The following RBFOX1 variants were observed in gnomAD, a reference collection of about 807,000 sequenced individuals.
RBFOX1 encodes the protein RNA binding fox-1 homolog 1.
Under a neutral mutation model 57.7 loss-of-function variants are expected in RBFOX1, and 8 were observed. That is an observed-to-expected ratio of 0.14 (90% CI 0.08 to 0.25). The LOEUF is 0.25. Among genes scored for constraint, RBFOX1 ranks in the 10% least tolerant of loss-of-function variants. RBFOX1 has a pLI of 1.00. For missense variants in RBFOX1, 611 were observed against 548.5 expected (o/e 1.11, Z -1.14); for synonymous variants, 326 against 222.4 (o/e 1.47, Z -4.15).
At chr16:5,522,350 A>G (rs931532291) in intron 2 of RBFOX1, among the ~76,000 whole-genome samples, 2 of 152,248 alleles carry the variant, frequency 1.3e-5, no homozygotes, top group African/African-American at 4.8e-5. Context: ...GCATACATAC[A>G]TAGGTCCTGG....
At chr16:5,429,331 C>T (rs554787078) in intron 1 of RBFOX1, among the ~76,000 whole-genome samples, 61 of 152,292 alleles carry the variant, frequency 4.0e-4, no homozygotes, top group African/African-American at 1.3e-3. Context: ...AGGATTTCTC[C>T]GCACTGGGTT....
intron 3 of RBFOX1, among the ~76,000 whole-genome samples, chr16:6,929,231 C>T (rs144482211): frequency 1.0e-3 from 155 of 152,226 alleles, no homozygotes; most frequent in African/African-American, 3.6e-3. Flanking sequence ...GGATCCTACC[C>T]TTTATGACAG....
intron 1 of RBFOX1, among the ~76,000 whole-genome samples, chr16:5,240,995 T>C (rs1220014762): frequency 6.6e-6 from 1 of 152,204 alleles, no homozygotes; most frequent in Non-Finnish European, 1.5e-5. Flanking sequence ...GTTGACCTCT[T>C]TGTTCCTTCC....
intron 1 of RBFOX1, among the ~76,000 whole-genome samples, chr16:5,324,260 C>T (rs1304772403): frequency 6.6e-6 from 1 of 152,124 alleles, no homozygotes; most frequent in Non-Finnish European, 1.5e-5. Context: ...GTCAGGAGTT[C>T]GAAACCAGCC....
chr16:5,451,801 C>G (rs907196229), intron 1 of RBFOX1, among the ~76,000 whole-genome samples: 3 of 152,146 alleles, frequency 2.0e-5, no homozygotes, highest in Non-Finnish European at 4.4e-5. Context: ...CCTGAGCTTT[C>G]TCTCCAGCCC....
intron 2 of RBFOX1, among the ~76,000 whole-genome samples, chr16:6,373,335 A>C (rs1024351002): frequency 6.6e-6 from 1 of 150,934 alleles, no homozygotes; most frequent in African/African-American, 2.4e-5. Context: ...GGTTGGGTGG[A>C]ATGGAGATTC....
chr16:5,726,029 C>T (rs2052139234), intron 3 of RBFOX1, among the ~76,000 whole-genome samples: 1 of 152,054 alleles, frequency 6.6e-6, no homozygotes, highest in Non-Finnish European at 1.5e-5. Context: ...GTCTTCCAAC[C>T]CAAAGAATCC....
At chr16:7,063,309 G>A (rs1043652658) in intron 4 of RBFOX1, among the ~76,000 whole-genome samples, 3 of 151,834 alleles carry the variant, frequency 2.0e-5, no homozygotes, top group Admixed American at 6.6e-5. Context: ...CCAACCCCAG[G>A]GGACCACCCC....
intron 2 of RBFOX1, among the ~76,000 whole-genome samples, chr16:6,488,922 T>A (rs1420081): frequency 6.6e-6 from 1 of 151,928 alleles, no homozygotes; most frequent in Non-Finnish European, 1.5e-5. Flanking sequence ...CAAGAGAGGG[T>A]AGAAGGTATG....
chr16:5,723,876 C>T lies in RBFOX1; in HGVS notation c.318+124915C>T, dbSNP rs12324936. 6.1e-3 allele frequency among the ~76,000 whole-genome samples: 931 copies of T among 152,342 alleles called. 10 individuals are homozygous for T. Among genetic ancestry groups the T allele is most frequent in the African/African-American group, 0.022 (898 of 41,578 alleles). ...ACCATTGTTTTCCTTACAGCAAAGT[C>T]GCTTCTACATGGGCATCTCTTTAAA... On this transcript the variant is annotated intron_variant, in intron 3 of 19. Coordinates refer to the RBFOX1 transcript ENST00000641259.
At chr16:7,645,155 G>C (rs1321670954) in intron 11 of RBFOX1, among the ~76,000 whole-genome samples, 3 of 151,814 alleles carry the variant, frequency 2.0e-5, no homozygotes, top group Non-Finnish European at 4.4e-5. Context: ...CAATTCCTTC[G>C]ATGCATCCCA....
chr16:5,636,155 C>A (rs1205266023), intron 3 of RBFOX1, among the ~76,000 whole-genome samples: 1 of 152,152 alleles, frequency 6.6e-6, no homozygotes, highest in Non-Finnish European at 1.5e-5. Flanking sequence ...CGAGACCAGC[C>A]TGACCAACAT....
At chr16:5,925,898 T>C (rs2058930757) in intron 4 of RBFOX1, among the ~76,000 whole-genome samples, 1 of 152,122 alleles carries the variant, frequency 6.6e-6, no homozygotes, top group African/African-American at 2.4e-5. Context: ...CAAATCGAAC[T>C]TCTAAACCTG....
intron 2 of RBFOX1, among the ~76,000 whole-genome samples, chr16:6,564,841 T>A (rs545510081): frequency 6.6e-6 from 1 of 152,264 alleles, no homozygotes; most frequent in South Asian, 2.1e-4. Flanking sequence ...AAAAATTTTT[T>A]AAAATTAAAG....
intron 4 of RBFOX1, among the ~76,000 whole-genome samples, chr16:7,097,210 A>C (rs2061851800): frequency 6.6e-6 from 1 of 152,154 alleles, no homozygotes; most frequent in Non-Finnish European, 1.5e-5. Context: ...GAGAGTTAGG[A>C]AACTGCTATG....
At chr16:6,628,067 G>A (rs2098333779) in intron 2 of RBFOX1, among the ~76,000 whole-genome samples, 1 of 152,162 alleles carries the variant, frequency 6.6e-6, no homozygotes, top group African/African-American at 2.4e-5. Context: ...ATGTCCATGA[G>A]CCCAGCCAGG....
At chr16:5,347,570 A>G (rs1018180799) in intron 1 of RBFOX1, among the ~76,000 whole-genome samples, 6 of 151,724 alleles carry the variant, frequency 4.0e-5, no homozygotes, top group African/African-American at 1.5e-4. Flanking sequence ...TCATCCTTCC[A>G]CTCGTCTGTC....
rs1049475166 is a variant in RBFOX1 at position 6,407,481 on chromosome 16, CAT to C, written c.-64+90432_-64+90433del. Among the ~76,000 whole-genome samples, 48 of 151,046 alleles carry C rather than the reference CAT, an allele frequency of 3.2e-4. 1 individual carries two copies. Among genetic ancestry groups the C allele is most frequent in the South Asian group, 2.3e-3 (11 of 4,756 alleles). ...CTATGTCTGTATTTATACACACACA[CAT>C]ATATATAGAGAGAGGCAGAGACAGA... On this transcript the variant is annotated intron_variant, in intron 2 of 15. Coordinates refer to ENST00000550418, the MANE Select transcript of RBFOX1 (RefSeq NM_018723.4).
At position 6,963,803 on chromosome 16, in the gene RBFOX1, A is replaced by G. The variant is rs764607311; in HGVS notation, c.-15-88254A>G. 2.7e-5 allele frequency among the ~76,000 whole-genome samples: 4 copies of G among 148,994 alleles called. 1 individual carries two copies. The highest frequency in any genetic ancestry group is 2.0e-4 in the East Asian group (1 of 4,912). ...AAGCTCCACCTCCCGGGTTCATGCC[A>G]TTCTCCTGCCTCAGCCTCTCGAGTA... On this transcript the variant is annotated intron_variant, in intron 3 of 15. Coordinates refer to ENST00000550418, the MANE Select transcript of RBFOX1 (RefSeq NM_018723.4).
Sources: gnomAD v4.1 joint callset for allele counts (sites outside exome capture counted in the v4.1 genomes callset) on GRCh38, gnomAD v4.1.1 for gene constraint, MANE v1.5 for transcripts, NCBI Gene and HGNC (gene_info 2026-07-23, HGNC 2026-07-21) for gene names.